Variants in ZNF804A observed in about 807,000 individuals in gnomAD.
ZNF804A encodes the protein zinc finger protein 804A.
A neutral mutation model predicts 16.5 loss-of-function variants in ZNF804A; 2 were observed. That is an observed-to-expected ratio of 0.12 (90% CI 0.05 to 0.38). The LOEUF is 0.38. Ranked by LOEUF, ZNF804A falls within the 10% of genes least tolerant of loss-of-function variation. The probability of loss-of-function intolerance (pLI) is 0.99; values close to 1 mark genes in which losing one functional copy is unlikely to be tolerated. For synonymous variants in ZNF804A, 534 were observed against 489.6 expected (o/e 1.09, Z -1.20); for missense variants, 1,473 against 1,390.7 (o/e 1.06, Z -0.94).
chr2:184,877,770 C>T (rs368727699), intron 2 of ZNF804A, among the ~76,000 whole-genome samples: 1 of 152,162 alleles, frequency 6.6e-6, no homozygotes, highest in East Asian at 1.9e-4. Flanking sequence ...TGCCAAGGAT[C>T]ATGAGGTTAT....
intron 1 of ZNF804A, among the ~76,000 whole-genome samples, chr2:184,690,248 AT>A (rs1692707394): frequency 6.6e-6 from 1 of 151,854 alleles, no homozygotes; most frequent in Non-Finnish European, 1.5e-5. Context: ...TATGACAGGG[AT>A]AAATGGTGAC....
chr2:184,745,474 G>C (rs1049138821), intron 1 of ZNF804A, among the ~76,000 whole-genome samples: 1 of 151,668 alleles, frequency 6.6e-6, no homozygotes, highest in South Asian at 2.1e-4. Flanking sequence ...TTAAATCAAC[G>C]TTTTACTGAT....
chr2:184,608,315 G>A (rs960440220), intron 1 of ZNF804A, among the ~76,000 whole-genome samples: 1 of 152,120 alleles, frequency 6.6e-6, no homozygotes, highest in East Asian at 1.9e-4. Context: ...GTATTTTCTG[G>A]ATAGTTTACT....
intron 1 of ZNF804A, among the ~76,000 whole-genome samples, chr2:184,759,921 C>G (rs1195557484): frequency 6.6e-6 from 1 of 152,140 alleles, no homozygotes; most frequent in Non-Finnish European, 1.5e-5. Flanking sequence ...TGCTGACTCT[C>G]TTTTCGGACT....
intron 1 of ZNF804A, among the ~76,000 whole-genome samples, chr2:184,800,094 A>G (rs1558965337): frequency 6.6e-6 from 1 of 152,058 alleles, no homozygotes; most frequent in Non-Finnish European, 1.5e-5. Context: ...ATCACTTATT[A>G]TCTTGTTAAA....
At chr2:184,678,413 C>A (rs548937980) in intron 1 of ZNF804A, among the ~76,000 whole-genome samples, 1 of 152,006 alleles carries the variant, frequency 6.6e-6, no homozygotes, top group African/African-American at 2.4e-5. Flanking sequence ...TATATCAAGT[C>A]TATTTCCTAC....
At chr2:184,739,273 A>C (rs1323946515) in intron 1 of ZNF804A, among the ~76,000 whole-genome samples, 1 of 152,248 alleles carries the variant, frequency 6.6e-6, no homozygotes, top group African/African-American at 2.4e-5. Context: ...TAAGAGTCAC[A>C]AATTAGTCTT....
intron 1 of ZNF804A, among the ~76,000 whole-genome samples, chr2:184,711,245 AT>A (rs1693120747): frequency 6.6e-6 from 1 of 151,564 alleles, no homozygotes; most frequent in African/African-American, 2.4e-5. Context: ...ATTAGCTTTT[AT>A]TTGAGGATTA....
At chr2:184,690,275 T>G (rs957747167) in intron 1 of ZNF804A, among the ~76,000 whole-genome samples, 3 of 151,974 alleles carry the variant, frequency 2.0e-5, no homozygotes, top group Non-Finnish European at 4.4e-5. Flanking sequence ...TGTTGTATAT[T>G]TGGTGTATTA....
chr2:184,933,484 T>A, intron 2 of ZNF804A, 119 bp from the exon 3 acceptor site: 1 of 901,122 alleles, frequency 1.1e-6, no homozygotes, highest in Non-Finnish European at 1.6e-6. Flanking sequence ...ATGAATGTTG[T>A]GTTTACCTCT....
chr2:184,816,212 G>A (rs1279844607), intron 1 of ZNF804A, among the ~76,000 whole-genome samples: 2 of 151,998 alleles, frequency 1.3e-5, no homozygotes, highest in Non-Finnish European at 2.9e-5. Flanking sequence ...GATTCAGCAA[G>A]CCACTAGGCA....
At chr2:184,726,230 C>T (rs1693407600) in intron 1 of ZNF804A, among the ~76,000 whole-genome samples, 1 of 151,650 alleles carries the variant, frequency 6.6e-6, no homozygotes, top group Non-Finnish European at 1.5e-5. Flanking sequence ...AGTGTTTGTG[C>T]CATTTTACAA....
intron 1 of ZNF804A, among the ~76,000 whole-genome samples, chr2:184,688,148 T>C (rs1027288214): frequency 7.8e-4 from 118 of 152,048 alleles, no homozygotes; most frequent in African/African-American, 2.7e-3. Context: ...AACAGAACAA[T>C]TTTATAAACA....
intron 1 of ZNF804A, among the ~76,000 whole-genome samples, chr2:184,712,563 A>G (rs1693147090): frequency 6.6e-6 from 1 of 151,502 alleles, no homozygotes; most frequent in Admixed American, 6.6e-5. Flanking sequence ...CTCAATGTCT[A>G]TTTCTCTCTC....
chr2:184,926,571 A>G (rs544578684), intron 2 of ZNF804A, among the ~76,000 whole-genome samples: 9 of 151,912 alleles, frequency 5.9e-5, no homozygotes, highest in Non-Finnish European at 1.2e-4. Flanking sequence ...GTTCACTTTT[A>G]TTATCCCTTT....
intron 1 of ZNF804A, among the ~76,000 whole-genome samples, chr2:184,622,723 T>C (rs1691438541): frequency 6.6e-6 from 1 of 151,930 alleles, no homozygotes; most frequent in Non-Finnish European, 1.5e-5. Flanking sequence ...ACTTCATTGA[T>C]TTGTATAAGA....
At chr2:184,806,399 A>G (rs545939636) in intron 1 of ZNF804A, among the ~76,000 whole-genome samples, 125 of 151,982 alleles carry the variant, frequency 8.2e-4, no homozygotes, top group African/African-American at 3.0e-3. Flanking sequence ...TGTTTATTTA[A>G]TTTGGATATA....
intron 2 of ZNF804A, among the ~76,000 whole-genome samples, chr2:184,931,303 C>T (rs1299197982): frequency 6.6e-6 from 1 of 152,218 alleles, no homozygotes; most frequent in Non-Finnish European, 1.5e-5. Context: ...TCTGCACGGC[C>T]CTAGCAGAGG....
intron 2 of ZNF804A, among the ~76,000 whole-genome samples, chr2:184,882,322 T>C (rs1574255010): frequency 2.0e-5 from 3 of 152,174 alleles, no homozygotes; most frequent in South Asian, 4.1e-4. Context: ...TAAAGACTTA[T>C]GAAGAAAGAG....
Sources: gnomAD v4.1 joint callset for allele counts (sites outside exome capture counted in the v4.1 genomes callset) on GRCh38, gnomAD v4.1.1 for gene constraint, MANE v1.5 for transcripts, NCBI Gene and HGNC (gene_info 2026-07-23, HGNC 2026-07-21) for gene names.